Variants in ZMYM3 observed in about 807,000 individuals in gnomAD.
The protein encoded by ZMYM3 is zinc finger MYM-type protein 3.
Under a neutral mutation model 94.2 loss-of-function variants are expected in ZMYM3, and 6 were observed. The observed-to-expected ratio is 0.06, with a 90% CI of 0.03 to 0.13. The LOEUF (loss-of-function observed/expected upper bound fraction) is 0.13, where lower values mean the gene tolerates loss of function less well. Ranked by LOEUF, ZMYM3 falls within the 10% of genes least tolerant of loss-of-function variation. The probability of loss-of-function intolerance (pLI) is 1.00; values close to 1 mark genes in which losing one functional copy is unlikely to be tolerated. For missense variants in ZMYM3, 664 were observed against 1,132.6 expected, an observed-to-expected ratio of 0.59 and a Z score of 5.94; for synonymous variants, 420 against 426.5, an observed-to-expected ratio of 0.98 and a Z score of 0.19.
rs906917678 is a variant in ZMYM3, at chrX:71,240,139, C to G, written c.*777G>C. ...ACAGAGGGGGCTAAGCATGTTGACA[C>G]CATGGCTCATGGCAACCTAAGATGG... On this transcript the variant is annotated 3_prime_UTR_variant, in exon 25 of 25. Transcript: ENST00000314425. The G allele has an allele frequency of 8.9e-6, 1 of 112,190 alleles. No homozygotes were observed. The highest frequency in any genetic ancestry group is 1.9e-5 in the Non-Finnish European group (1 of 53,221). 9.2% of individuals were successfully genotyped at this position (112,190 alleles called of 1,213,427 possible).
intron 10 of ZMYM3, 47 bp from the exon 11 acceptor site, chrX:71,248,359 C>T: frequency 2.5e-6 from 3 of 1,192,672 alleles, no homozygotes; most frequent in East Asian, 6.0e-5. Flanking sequence ...AACATCTGGC[C>T]CCAGCAGGGG....
chrX:71,242,259 C>T lies in ZMYM3; in HGVS notation c.3713G>A (p.Arg1238Gln). 3 of 1,210,022 alleles carry T rather than the reference C, an allele frequency of 2.5e-6. No homozygotes were observed. Among genetic ancestry groups the T allele is most frequent in the Non-Finnish European group, 3.4e-6 (3 of 894,544 alleles). ...AGGGGTGGTACACTTGCGGGACTGC[C>T]GCACCACATTGGTGAAGGAGAGTTG... ...HMQLSFTNVV[R>Q]QSRKCTTPRG... The change falls in exon 23 of 25, where the codon CGG (arginine) becomes CAG (glutamine). Residue 1238 changes from arginine (R) to glutamine (Q), a missense_variant. By Grantham distance (43) the Arg-to-Gln change is conservative. This residue lies in a region of ZMYM3 where 19 missense variants were observed against 123.7 expected (regional missense o/e 0.15). Coordinates refer to ENST00000314425, the MANE Select transcript of ZMYM3 (RefSeq NM_201599.3).
rs2030273432 is a variant in ZMYM3 at position 71,248,235 on chromosome X, C to T, written c.1902G>A (p.Glu634=). The change falls in exon 11 of 25, where the codon GAG becomes GAA. Residue 634 remains glutamate, a synonymous_variant. Transcript: ENST00000314425. ...GCAAGAGTTTCTCCTGCCGACAGTG[C>T]TCACACTGGGACACCACACCCCGAA... ...KRLRGVVSQC[E]HCRQEKLLHE... 1 of 1,208,707 alleles carries T rather than the reference C, an allele frequency of 8.3e-7. No individual in the cohort carries two copies. Among genetic ancestry groups the T allele is most frequent in the African/African-American group, 1.7e-5 (1 of 57,292 alleles).
chrX:71,248,509 C>A lies in ZMYM3; in HGVS notation c.1753G>T (p.Gly585Trp). 1.7e-6 allele frequency: 2 copies of A among 1,211,011 alleles called. No homozygotes were observed. Among genetic ancestry groups the A allele is most frequent in the Non-Finnish European group, 2.2e-6 (2 of 895,000 alleles). ...TAGTGACAGCTCAGGTGAATGCCCC[C>A]CTCAGGGCTTGTGCGCTGGAGGGAA... ...WTKFQRTSPE[G>W]GIHLSCHYCH... Residue 585 changes from glycine to tryptophan, a missense_variant, in exon 10 of 25, where the codon GGG becomes TGG. By Grantham distance (184) the Gly-to-Trp change is radical. This residue lies in a region of ZMYM3 where 159 missense variants were observed against 313.0 expected (regional missense o/e 0.51). Coordinates refer to ENST00000314425, the MANE Select transcript of ZMYM3 (RefSeq NM_201599.3).
chrX:71,251,763 G>T (rs747086691), intron 2 of ZMYM3, 162 bp from the exon 3 acceptor site: 1,244 of 749,962 alleles, frequency 1.7e-3, no homozygotes, highest in Non-Finnish European at 1.8e-3. Flanking sequence ...GTTACCTCAG[G>T]CTCTGTACTA....
chrX:71,243,814 G>A lies in ZMYM3; in HGVS notation c.3432+15C>T, dbSNP rs1483906704. On this transcript the variant is annotated intron_variant, in intron 21 of 24. Transcript: ENST00000314425. Reference sequence around the variant, plus strand: ...GTTAAGAGTGACAGGAAGTGAGGTGGTGCACAAGAGGTACCTGCTGGATGC... The same window carrying A: ...GTTAAGAGTGACAGGAAGTGAGGTGATGCACAAGAGGTACCTGCTGGATGC... 4.1e-6 allele frequency: 5 copies of A among 1,209,658 alleles called. No homozygotes were observed. The highest frequency in any genetic ancestry group is 5.6e-6 in the Non-Finnish European group (5 of 894,592).
chrX:71,246,759 C>T (rs1269733833), intron 13 of ZMYM3, 67 bp from the exon 14 acceptor site: 2 of 1,027,589 alleles, frequency 1.9e-6, no homozygotes, highest in African/African-American at 3.8e-5. Flanking sequence ...TACCCCTGTT[C>T]CAGGAGAGCT....
intron 7 of ZMYM3, 140 bp from the exon 8 acceptor site, chrX:71,249,309 C>A: frequency 8.7e-7 from 1 of 1,143,692 alleles, no homozygotes; most frequent in Non-Finnish European, 1.2e-6. Context: ...ATCCACCAGC[C>A]AGCTTCAAAA....
At chrX:71,255,211 GCT>G (rs1176621878), upstream of ZMYM3, 7 of 73,359 alleles carry the variant, frequency 9.5e-5, no homozygotes, top group East Asian at 4.6e-4. Context: ...CTCTCTTCTC[GCT>G]CTCTCTCTCT....
Position 71,252,555 on chromosome X carries a change from CA to C in ZMYM3, c.667+33del, listed in dbSNP as rs766389055. The C allele has an allele frequency of 1.6e-5, 18 of 1,130,270 alleles. No homozygotes were observed. In the South Asian group the frequency reaches 4.0e-4, roughly 25 times the overall value. The allele number at this position is 1,130,270 out of a possible 1,213,427, so 93.1% of individuals were successfully genotyped here. A position where few individuals can be genotyped will look rare whatever the true frequency, so the allele number is the denominator to read the frequency against. On this transcript the variant is annotated intron_variant, in intron 2 of 24. Transcript: ENST00000314425. ...ACCCCTCCTTACCACCACCCTCTCC[CA>C]GCCCTGATTCTCCAGATAATTAGGC... is the stretch of plus-strand genomic sequence containing the variant.
intron 6 of ZMYM3, 74 bp from the exon 7 acceptor site, chrX:71,249,753 C>A (rs1361563549): frequency 2.2e-5 from 25 of 1,151,224 alleles, no homozygotes; most frequent in Non-Finnish European, 2.8e-5. Context: ...GTCAGCCCCC[C>A]ACCTCACCCT....
At chrX:71,247,607 G>A (rs940180302) in intron 12 of ZMYM3, 97 bp from the exon 13 acceptor site, 102 of 1,139,850 alleles carry the variant, frequency 8.9e-5, no homozygotes, top group Non-Finnish European at 1.1e-4. Flanking sequence ...CTTGGAGATC[G>A]GGCCAGCTTA....
At chrX:71,242,865 G>A (rs754809321) in intron 22 of ZMYM3, 105 bp downstream of exon 22, 177 of 753,617 alleles carry the variant, frequency 2.3e-4, no homozygotes, top group Non-Finnish European at 3.1e-4. Flanking sequence ...TCCTGCCCTC[G>A]GGCCCTTTGT....
chrX:71,250,067 C>T lies in ZMYM3; in HGVS notation c.1210G>A (p.Ala404Thr), dbSNP rs200115268. The T allele has an allele frequency of 2.5e-5, 30 of 1,197,643 alleles. No homozygotes were observed. In the East Asian group the frequency reaches 6.2e-4, roughly 25 times the overall value. Residue 404 changes from alanine (A) to threonine (T), a missense_variant, in exon 6 of 25, where the codon GCC becomes ACC. Coordinates refer to ENST00000314425, the MANE Select transcript of ZMYM3 (RefSeq NM_201599.3). ...CATATGCTGCAGCGAGTAGCGTCGGCGGGATCCCCAGACTGGGGGATCGGG... is the reference window on the plus strand; with the variant it reads ...CATATGCTGCAGCGAGTAGCGTCGGTGGGATCCCCAGACTGGGGGATCGGG... ...QRPIPQSGDPADATRCSICQK... is the reference protein window; with the variant it reads ...QRPIPQSGDPTDATRCSICQK...
intron 6 of ZMYM3, 56 bp downstream of exon 6, chrX:71,249,970 G>A: frequency 1.8e-6 from 2 of 1,126,797 alleles, no homozygotes; most frequent in Non-Finnish European, 2.3e-6. Context: ...CAGGATGGGA[G>A]GGGCAGGTCA....
chrX:71,248,098 C>T, intron 11 of ZMYM3, 64 bp downstream of exon 11: 2 of 1,190,750 alleles, frequency 1.7e-6, no homozygotes, highest in Non-Finnish European at 2.3e-6. Context: ...CGGCCTCCCT[C>T]CCTTCTCCTC....
rs758033638 is a variant in ZMYM3 at position 71,240,282 on chromosome X, G to A, written c.*634C>T. On this transcript the variant is annotated 3_prime_UTR_variant, in exon 25 of 25. Coordinates refer to ENST00000314425, the MANE Select transcript of ZMYM3 (RefSeq NM_201599.3). ...AAGGCATTTGGAAGATTTTAAAAAC[G>A]GCAGCACCAAGGATTGGTGCTTGCC... 8.9e-6 allele frequency: 1 copy of A among 111,783 alleles called. No individual in the cohort carries two copies. The highest frequency in any genetic ancestry group is 3.8e-4 in the South Asian group (1 of 2,626). 9.2% of individuals were successfully genotyped at this position (111,783 alleles called of 1,213,427 possible).
In ZMYM3 at chrX:71,249,444, T is replaced by C. The variant is rs2030343378; in HGVS notation, c.1470+17A>G. 8.5e-7 allele frequency: 1 copy of C among 1,173,674 alleles called. No homozygotes were observed. Among genetic ancestry groups the C allele is most frequent in the African/African-American group, 1.8e-5 (1 of 55,687 alleles). On this transcript the variant is annotated intron_variant, in intron 7 of 24. Coordinates refer to ENST00000314425, the MANE Select transcript of ZMYM3 (RefSeq NM_201599.3). ...CCCCTTCCACAGCCCTCTAATGCAC[T>C]ACTCCCTCGGCCCCACCTTCTTGTA...
intron 4 of ZMYM3, 80 bp downstream of exon 4, chrX:71,251,098 T>C: frequency 9.8e-7 from 1 of 1,015,701 alleles, no homozygotes. Flanking sequence ...AGCTAGAAGA[T>C]CCATGCCCTG....
Sources: allele counts gnomAD v4.1 joint callset, GRCh38; gene constraint gnomAD v4.1.1; regional missense constraint gnomAD v4.1.1; transcripts MANE v1.5; gene names NCBI Gene and HGNC (gene_info 2026-07-23, HGNC 2026-07-21).